Variants in ZNF385D observed in about 807,000 individuals in gnomAD.
The protein encoded by ZNF385D is zinc finger protein 385D, also known as zinc finger protein 659.
A neutral mutation model predicts 35.8 loss-of-function variants in ZNF385D; 15 were observed. The observed-to-expected ratio is 0.42, with a 90% CI of 0.28 to 0.64. The LOEUF is 0.64. Ranked by LOEUF, ZNF385D falls within the 30% of genes least tolerant of loss-of-function variation. The probability of loss-of-function intolerance (pLI) is 0.23; values close to 1 mark genes in which losing one functional copy is unlikely to be tolerated. For synonymous variants in ZNF385D, 212 were observed against 186.8 expected (o/e 1.13, Z -1.10); for missense variants, 474 against 494.6 (o/e 0.96, Z 0.39).
At chr3:22,079,069 G>A (rs1218472270) in intron 3 of ZNF385D, among the ~76,000 whole-genome samples, 6 of 151,968 alleles carry the variant, frequency 3.9e-5, no homozygotes, top group African/African-American at 1.4e-4. Flanking sequence ...TGGAATCAAA[G>A]TTAGTCAAAA....
At chr3:21,762,367 C>T (rs576946531) in intron 3 of ZNF385D, among the ~76,000 whole-genome samples, 69 of 152,140 alleles carry the variant, frequency 4.5e-4, no homozygotes, top group African/African-American at 1.3e-3. Flanking sequence ...TCTCTTTACC[C>T]GGTAAAGCTC....
At chr3:21,443,672 A>C (rs1368444187) in intron 4 of ZNF385D, among the ~76,000 whole-genome samples, 2 of 152,212 alleles carry the variant, frequency 1.3e-5, no homozygotes, top group Admixed American at 6.5e-5. Context: ...CCATGCAAAA[A>C]GTAATCACAT....
chr3:21,865,793 T>C (rs192733988), intron 3 of ZNF385D, among the ~76,000 whole-genome samples: 239 of 152,240 alleles, frequency 1.6e-3, no homozygotes, highest in African/African-American at 5.6e-3. Flanking sequence ...CAGTAATTGA[T>C]CTAGTTACTA....
At chr3:22,197,607 T>C (rs769450687) in intron 2 of ZNF385D, among the ~76,000 whole-genome samples, 10 of 151,816 alleles carry the variant, frequency 6.6e-5, no homozygotes, top group Admixed American at 6.6e-5. Context: ...TTCAGGAGAG[T>C]CAGGTGAAAG....
chr3:22,083,160 A>G (rs1700845062), intron 3 of ZNF385D, among the ~76,000 whole-genome samples: 1 of 152,082 alleles, frequency 6.6e-6, no homozygotes, highest in African/African-American at 2.4e-5. Flanking sequence ...TAAAAACCAA[A>G]GCGCCTCTTC....
At chr3:21,488,248 G>A (rs142656213) in intron 4 of ZNF385D, among the ~76,000 whole-genome samples, 1 of 151,712 alleles carries the variant, frequency 6.6e-6, no homozygotes, top group African/African-American at 2.4e-5. Context: ...TTCTAATCTT[G>A]CAGTAAAGGC....
At chr3:22,033,356 C>G (rs1255484743) in intron 3 of ZNF385D, among the ~76,000 whole-genome samples, 1 of 151,342 alleles carries the variant, frequency 6.6e-6, no homozygotes, top group Non-Finnish European at 1.5e-5. Flanking sequence ...GAGCCAAGAT[C>G]ATGCCACTGC....
chr3:22,313,887 A>G (rs561760603), intron 2 of ZNF385D, among the ~76,000 whole-genome samples: 4 of 152,032 alleles, frequency 2.6e-5, no homozygotes, highest in Admixed American at 2.6e-4. Context: ...TCAGGACCCT[A>G]CCTCTTCTAT....
chr3:21,986,077 C>G (rs201245976), intron 3 of ZNF385D, among the ~76,000 whole-genome samples: 350 of 86,164 alleles, frequency 4.1e-3, no homozygotes, highest in South Asian at 7.6e-3. Context: ...TATTAGTCTT[C>G]CTAGCAGTCT....
At chr3:22,203,897 G>C (rs937826878) in intron 2 of ZNF385D, among the ~76,000 whole-genome samples, 4 of 152,080 alleles carry the variant, frequency 2.6e-5, no homozygotes, top group African/African-American at 9.7e-5. Flanking sequence ...GACCTGCCTG[G>C]GGCCCAAGGA....
intron 2 of ZNF385D, among the ~76,000 whole-genome samples, chr3:22,189,168 AG>A (rs1381289448): frequency 2.0e-5 from 3 of 152,176 alleles, no homozygotes; most frequent in African/African-American, 7.2e-5. Context: ...GTTGGCCCCA[AG>A]GTCATCCCTG....
At chr3:22,030,979 C>T (rs112659930) in intron 3 of ZNF385D, among the ~76,000 whole-genome samples, 136 of 152,284 alleles carry the variant, frequency 8.9e-4, no homozygotes, top group African/African-American at 3.1e-3. Flanking sequence ...TTCTGAAACC[C>T]GGCTGGGCAG....
intron 4 of ZNF385D, among the ~76,000 whole-genome samples, chr3:21,458,199 T>C (rs1702940467): frequency 6.6e-6 from 1 of 151,772 alleles, no homozygotes; most frequent in Non-Finnish European, 1.5e-5. Context: ...GGGGCTGGGC[T>C]CGGTTGCTCA....
intron 4 of ZNF385D, among the ~76,000 whole-genome samples, chr3:21,468,691 C>T (rs747743006): frequency 2.0e-5 from 3 of 151,820 alleles, no homozygotes; most frequent in East Asian, 2.0e-4. Context: ...TTTGGGAGTC[C>T]GAGGCAGGCG....
intron 3 of ZNF385D, among the ~76,000 whole-genome samples, chr3:22,022,281 A>C (rs55968261): frequency 0.18 from 27,484 of 152,118 alleles, 3,552 homozygotes; most frequent in East Asian, 0.46. Flanking sequence ...TCATGTTAAC[A>C]GTTTTAATTC....
intron 3 of ZNF385D, among the ~76,000 whole-genome samples, chr3:21,768,104 G>T (rs989358247): frequency 6.6e-6 from 1 of 152,040 alleles, no homozygotes; most frequent in Non-Finnish European, 1.5e-5. Context: ...AACTTAGTGG[G>T]ATAGAGACAC....
chr3:21,988,497 G>A (rs1373772965), intron 3 of ZNF385D, among the ~76,000 whole-genome samples: 1 of 142,812 alleles, frequency 7.0e-6, no homozygotes, highest in East Asian at 2.1e-4. Context: ...CAGGGGTCAG[G>A]GACCCACTTG....
At chr3:22,366,075 C>T (rs1039186710) in intron 2 of ZNF385D, among the ~76,000 whole-genome samples, 1 of 151,598 alleles carries the variant, frequency 6.6e-6, no homozygotes, top group African/African-American at 2.4e-5. Context: ...TATTCTTTAC[C>T]TTGTTTCAGG....
At chr3:21,798,801 T>A (rs535094567) in intron 3 of ZNF385D, among the ~76,000 whole-genome samples, 287 of 152,296 alleles carry the variant, frequency 1.9e-3, no homozygotes, top group Non-Finnish European at 2.6e-3. Context: ...GATACTTTAT[T>A]TTATAAAGTA....
Sources: gnomAD v4.1 joint callset for allele counts (sites outside exome capture counted in the v4.1 genomes callset) on GRCh38, gnomAD v4.1.1 for gene constraint, MANE v1.5 for transcripts, NCBI Gene and HGNC (gene_info 2026-07-23, HGNC 2026-07-21) for gene names.